The following SESTD1 variants were observed in gnomAD, a reference collection of about 807,000 sequenced individuals.
The protein encoded by SESTD1 is SEC14 and spectrin domain containing 1, also known as SEC14 domain and spectrin repeat-containing protein 1.
A neutral mutation model predicts 101.7 loss-of-function variants in SESTD1; 43 were observed. The ratio of observed to expected loss-of-function variants is 0.42; its 90% CI spans 0.33 to 0.55. SESTD1 has a LOEUF of 0.55. Among genes scored for constraint, SESTD1 ranks in the 20% least tolerant of loss-of-function variants. The pLI, the probability that SESTD1 is intolerant of heterozygous loss-of-function variation, is 0.07. For missense variants in SESTD1, 647 were observed against 815.1 expected (o/e 0.79, Z 2.51); for synonymous variants, 283 against 286.8 (o/e 0.99, Z 0.13).
At position 179,201,178 on chromosome 2, in the gene SESTD1, T is replaced by A. The variant is rs1400790020; in HGVS notation, c.-25-9312A>T. Among the ~76,000 whole-genome samples, 25 of 134,434 alleles carry A rather than the reference T, an allele frequency of 1.9e-4. 6 individuals carry two copies. The highest frequency in any genetic ancestry group is 8.6e-4 in the Admixed American group (12 of 13,936). The allele number at this position is 134,434 out of a possible 152,430, so 88.2% of individuals were successfully genotyped here. A position where few individuals can be genotyped will look rare whatever the true frequency, so the allele number is the denominator to read the frequency against. ...CCAAAAAACACATGAAAAAATGCTCTCCATCGCTGGCCATCAGAGAAATGC... is the reference window on the plus strand; with the variant it reads ...CCAAAAAACACATGAAAAAATGCTCACCATCGCTGGCCATCAGAGAAATGC... On this transcript the variant is annotated intron_variant, in intron 1 of 17. Coordinates refer to ENST00000428443, the MANE Select transcript of SESTD1 (RefSeq NM_178123.5).
intron 5 of SESTD1, among the ~76,000 whole-genome samples, chr2:179,159,825 G>C (rs1195206372): frequency 6.6e-6 from 1 of 150,962 alleles, no homozygotes; most frequent in African/African-American, 2.4e-5. Context: ...CTATGACCCG[G>C]CAAAGAAGAA....
chr2:179,257,144 A>G (rs1297941146), intron 1 of SESTD1, among the ~76,000 whole-genome samples: 1 of 152,026 alleles, frequency 6.6e-6, no homozygotes, highest in Non-Finnish European at 1.5e-5. Flanking sequence ...ATTTAAAATC[A>G]GGACACATCT....
In SESTD1 at chr2:179,143,591, C is replaced by A. The variant is rs768204918; in HGVS notation, c.849+1G>T. 2.0e-5 allele frequency: 32 copies of A among 1,613,242 alleles called. No homozygotes were observed. Among genetic ancestry groups the A allele is most frequent in the Non-Finnish European group, 2.6e-5 (31 of 1,179,348 alleles). ...TAAATATATTCAAATCAGACACCTA[C>A]CTGCATTACCTTCTGTTGAATCTCT... On this transcript the variant is annotated splice_donor_variant, in intron 9 of 17. Coordinates refer to ENST00000428443, the MANE Select transcript of SESTD1 (RefSeq NM_178123.5). LOFTEE classifies it high-confidence loss of function.
rs1364979987 is a variant in SESTD1 at position 179,107,307 on chromosome 2, T to G, written c.*2592A>C. On this transcript the variant is annotated 3_prime_UTR_variant, in exon 18 of 18. Coordinates refer to ENST00000428443, the MANE Select transcript of SESTD1 (RefSeq NM_178123.5). ...ACAGATGAGGAGCAATGATATTCAT[T>G]ATGTTAAAATCATACTTGGCCTCAT... 2.0e-5 allele frequency: 3 copies of G among 152,184 alleles called. No homozygotes were observed. Among genetic ancestry groups the G allele is most frequent in the Non-Finnish European group, 4.4e-5 (3 of 68,028 alleles). 9.4% of individuals were successfully genotyped at this position (152,184 alleles called of 1,614,324 possible). A position where few individuals can be genotyped will look rare whatever the true frequency, so the allele number is the denominator to read the frequency against.
At chr2:179,222,133 A>T (rs1243387467) in intron 1 of SESTD1, among the ~76,000 whole-genome samples, 1 of 152,114 alleles carries the variant, frequency 6.6e-6, no homozygotes, top group Admixed American at 6.6e-5. Context: ...ACTGTAAGCG[A>T]TATTAGCTAT....
chr2:179,145,472 T>A (rs2045374674), intron 8 of SESTD1, among the ~76,000 whole-genome samples: 1 of 152,180 alleles, frequency 6.6e-6, no homozygotes, highest in African/African-American at 2.4e-5. Flanking sequence ...AGACAGTATG[T>A]GGCACACAGT....
At chr2:179,180,221 G>A (rs927715859) in intron 3 of SESTD1, among the ~76,000 whole-genome samples, 4 of 152,108 alleles carry the variant, frequency 2.6e-5, no homozygotes, top group African/African-American at 9.7e-5. Context: ...CTTTGTCCCT[G>A]TGTTCATTAA....
chr2:179,117,641 C>A (rs2154393851), intron 13 of SESTD1, 28 bp from the exon 14 acceptor site: 1 of 1,526,896 alleles, frequency 6.5e-7, no homozygotes, highest in African/African-American at 1.4e-5. Context: ...AAATTTAACT[C>A]ATCATTTCTG....
chr2:179,197,013 C>T (rs918880055), intron 1 of SESTD1, among the ~76,000 whole-genome samples: 1 of 152,022 alleles, frequency 6.6e-6, no homozygotes. Context: ...TTTCTCTGTA[C>T]CTACGGGAGG....
chr2:179,236,599 G>A (rs2047069977), intron 1 of SESTD1, among the ~76,000 whole-genome samples: 1 of 151,852 alleles, frequency 6.6e-6, no homozygotes, highest in Admixed American at 6.6e-5. Context: ...ATGTTGACAA[G>A]TAAAATCTAA....
At chr2:179,189,066 C>T (rs2046280725) in intron 2 of SESTD1, among the ~76,000 whole-genome samples, 1 of 152,038 alleles carries the variant, frequency 6.6e-6, no homozygotes, top group African/African-American at 2.4e-5. Context: ...GGGATTCCCT[C>T]TTCTGTAAAG....
At chr2:179,153,784 G>A (rs2045574058) in intron 5 of SESTD1, among the ~76,000 whole-genome samples, 3 of 152,116 alleles carry the variant, frequency 2.0e-5, no homozygotes, top group African/African-American at 2.4e-5. Flanking sequence ...TGGTTGTGAC[G>A]AAAGGACATG....
intron 4 of SESTD1, among the ~76,000 whole-genome samples, chr2:179,175,611 C>T (rs1458040271): frequency 6.6e-6 from 1 of 152,176 alleles, no homozygotes; most frequent in Non-Finnish European, 1.5e-5. Context: ...GCCCTCTTGA[C>T]TTTCATTTAA....
intron 1 of SESTD1, among the ~76,000 whole-genome samples, chr2:179,229,162 G>C (rs1165295621): frequency 6.6e-6 from 1 of 152,168 alleles, no homozygotes; most frequent in Non-Finnish European, 1.5e-5. Flanking sequence ...CAAATATCTG[G>C]TTAAACATTA....
chr2:179,238,442 T>G (rs1326743666), intron 1 of SESTD1, among the ~76,000 whole-genome samples: 1 of 152,186 alleles, frequency 6.6e-6, no homozygotes, highest in Non-Finnish European at 1.5e-5. Context: ...TAAAAATATA[T>G]ATTAAATAAA....
intron 1 of SESTD1, among the ~76,000 whole-genome samples, chr2:179,234,945 TAAA>T (rs35629599): frequency 1.2e-4 from 16 of 130,430 alleles, no homozygotes; most frequent in African/African-American, 4.2e-4. Flanking sequence ...CTCATCTCTT[TAAA>T]AAAAAAAAAA....
intron 1 of SESTD1, among the ~76,000 whole-genome samples, chr2:179,205,763 TA>T (rs2046582762): frequency 7.4e-6 from 1 of 135,324 alleles, no homozygotes; most frequent in Admixed American, 7.2e-5. Flanking sequence ...AATGAACTGA[TA>T]GATAAAAAGT....
At chr2:179,158,954 TCA>T (rs2045681164) in intron 5 of SESTD1, among the ~76,000 whole-genome samples, 1 of 152,172 alleles carries the variant, frequency 6.6e-6, no homozygotes, top group Non-Finnish European at 1.5e-5. Flanking sequence ...ATGAAACATC[TCA>T]GTTTCCACTG....
intron 1 of SESTD1, among the ~76,000 whole-genome samples, chr2:179,196,537 T>C (rs1158541568): frequency 6.6e-6 from 1 of 152,166 alleles, no homozygotes; most frequent in East Asian, 1.9e-4. Context: ...AGCAGTAACC[T>C]CTGCAGACTT....
Sources: gnomAD v4.1 joint callset for allele counts (sites outside exome capture counted in the v4.1 genomes callset) on GRCh38, gnomAD v4.1.1 for gene constraint, MANE v1.5 for transcripts, NCBI Gene and HGNC (gene_info 2026-07-23, HGNC 2026-07-21) for gene names.